The following BICD1 variants were observed in gnomAD, a reference collection of about 807,000 sequenced individuals.
BICD1 encodes BICD cargo adaptor 1.
BICD1 carries 35 observed loss-of-function variants against 92.5 expected under a neutral mutation model. That is an observed-to-expected ratio of 0.38 (90% CI 0.29 to 0.50). BICD1 has a LOEUF of 0.50. BICD1 is among the 20% of genes least tolerant of loss of function. The pLI, the probability that BICD1 is intolerant of heterozygous loss-of-function variation, is 0.93. For missense variants in BICD1, 950 were observed against 1,189.8 expected, an observed-to-expected ratio of 0.80 and a Z score of 2.97; for synonymous variants, 429 against 465.1, an observed-to-expected ratio of 0.92 and a Z score of 1.00.
At chr12:32,198,407 G>C (rs1305069369) in intron 1 of BICD1, among the ~76,000 whole-genome samples, 1 of 146,200 alleles carries the variant, frequency 6.8e-6, no homozygotes, top group East Asian at 2.0e-4. Flanking sequence ...CATGGTCAGA[G>C]TTAAGGTCAG....
At chr12:32,198,326 C>CTATATATATATATA (rs1233094983) in intron 1 of BICD1, among the ~76,000 whole-genome samples, 14 of 112,250 alleles carry the variant, frequency 1.2e-4, no homozygotes, top group African/African-American at 4.9e-4. Context: ...TAATATGCAT[C>CTATATATATATATA]TATCTATATA....
intron 8 of BICD1, among the ~76,000 whole-genome samples, chr12:32,342,737 C>T (rs145851067): frequency 1.4e-3 from 214 of 152,148 alleles, no homozygotes; most frequent in Non-Finnish European, 2.0e-3. Flanking sequence ...AAATTTAAGA[C>T]ACAGAACATA....
At chr12:32,273,937 G>A (rs7978297) in intron 2 of BICD1, among the ~76,000 whole-genome samples, 5,674 of 152,222 alleles carry the variant, frequency 0.037, 358 homozygotes, top group African/African-American at 0.13. Flanking sequence ...GCTCCTCCCC[G>A]CTGAACAAGC....
intron 1 of BICD1, among the ~76,000 whole-genome samples, chr12:32,148,151 A>AAAAAAAAAAAAAAAG: frequency 6.6e-6 from 1 of 151,128 alleles, no homozygotes; most frequent in Admixed American, 6.6e-5. Flanking sequence ...CCAAAAAAAA[A>AAAAAAAAAAAAAAAG]AGAATCTGAG....
intron 6 of BICD1, among the ~76,000 whole-genome samples, chr12:32,335,311 C>T (rs922341117): frequency 2.6e-5 from 4 of 152,026 alleles, no homozygotes; most frequent in Admixed American, 6.5e-5. Context: ...CCACCACGCC[C>T]GGCTAATTTT....
intron 2 of BICD1, among the ~76,000 whole-genome samples, chr12:32,277,102 C>T (rs1265165531): frequency 2.0e-5 from 3 of 152,110 alleles, no homozygotes; most frequent in African/African-American, 4.8e-5. Context: ...CTTTATAAAA[C>T]GGTAACTGTG....
chr12:32,115,386 G>GTTT (rs149711623), intron 1 of BICD1, among the ~76,000 whole-genome samples: 1,507 of 97,722 alleles, frequency 0.015, 39 homozygotes, highest in African/African-American at 0.056. Flanking sequence ...TGGTGTTTTT[G>GTTT]GTTTTTTTTT....
chr12:32,364,571 A>G (rs1268960696), intron 8 of BICD1, among the ~76,000 whole-genome samples: 1 of 152,252 alleles, frequency 6.6e-6, no homozygotes, highest in Non-Finnish European at 1.5e-5. Flanking sequence ...TTTTAAGTCC[A>G]TCACCATTTT....
chr12:32,192,120 T>C (rs1944586146), intron 1 of BICD1, among the ~76,000 whole-genome samples: 1 of 152,138 alleles, frequency 6.6e-6, no homozygotes. Context: ...TTAAAAGTGC[T>C]ATTCCAGTGA....
chr12:32,113,017 A>G (rs756505160), intron 1 of BICD1, among the ~76,000 whole-genome samples: 1 of 151,912 alleles, frequency 6.6e-6, no homozygotes, highest in Non-Finnish European at 1.5e-5. Context: ...CCAGGGCCAC[A>G]AAACTAAACG....
intron 2 of BICD1, among the ~76,000 whole-genome samples, chr12:32,221,356 AAAAT>A (rs1555150050): frequency 2.0e-5 from 3 of 149,756 alleles, no homozygotes; most frequent in African/African-American, 2.5e-5. Context: ...AAAAAATAAA[AAAAT>A]AAATAAATAA....
Position 32,150,729 on chromosome 12 carries a change from CAG to C in BICD1, c.213+43186_213+43187del, listed in dbSNP as rs1565549307. ...CAGTGCAGACCTGCACAACCTGACA[CAG>C]GGGCCTTGGGTCAGTCCATGTCGGT... On this transcript the variant is annotated intron_variant, in intron 1 of 9. Coordinates refer to ENST00000652176, the MANE Select transcript of BICD1 (RefSeq NM_001714.4). Among the ~76,000 whole-genome samples the C allele has an allele frequency of 5.9e-5, 9 of 152,148 alleles. No individual in the cohort carries two copies. In the South Asian group the frequency reaches 1.2e-3, roughly 21 times the overall value.
intron 1 of BICD1, among the ~76,000 whole-genome samples, chr12:32,192,638 G>A (rs73076291): frequency 0.21 from 32,558 of 152,092 alleles, 3,928 homozygotes; most frequent in East Asian, 0.3. Flanking sequence ...TATGGAAGGA[G>A]AGTTTGGTAC....
intron 4 of BICD1, among the ~76,000 whole-genome samples, chr12:32,318,352 T>C (rs1948561364): frequency 6.6e-6 from 1 of 152,178 alleles, no homozygotes; most frequent in Admixed American, 6.5e-5. Context: ...GAGCATGGAA[T>C]GTTCTTCCAT....
intron 4 of BICD1, among the ~76,000 whole-genome samples, chr12:32,320,699 C>A (rs1948631878): frequency 6.7e-6 from 1 of 149,444 alleles, no homozygotes; most frequent in Non-Finnish European, 1.5e-5. Context: ...AAAAAAAATT[C>A]TATGGGATAT....
intron 6 of BICD1, among the ~76,000 whole-genome samples, chr12:32,335,315 T>TAAAA (rs1938062526): frequency 6.6e-6 from 1 of 152,050 alleles, no homozygotes; most frequent in Non-Finnish European, 1.5e-5. Flanking sequence ...CACGCCCGGC[T>TAAAA]AATTTTTTGT....
chr12:32,183,894 G>A (rs910700424), intron 1 of BICD1, among the ~76,000 whole-genome samples: 1 of 152,178 alleles, frequency 6.6e-6, no homozygotes, highest in Admixed American at 6.5e-5. Flanking sequence ...TAGGGGGAGG[G>A]TGCTAAGCAA....
intron 2 of BICD1, among the ~76,000 whole-genome samples, chr12:32,259,772 G>A (rs988303718): frequency 1.3e-5 from 2 of 152,114 alleles, no homozygotes; most frequent in African/African-American, 4.8e-5. Context: ...TAAAGGCAAG[G>A]GCTTGTAGGA....
chr12:32,294,226 C>A, intron 3 of BICD1, 80 bp downstream of exon 3: 2 of 1,328,574 alleles, frequency 1.5e-6, no homozygotes, highest in South Asian at 2.9e-5. Flanking sequence ...CCAAACTTGT[C>A]AGAATTTATT....
Sources: gnomAD v4.1 joint callset for allele counts (sites outside exome capture counted in the v4.1 genomes callset) on GRCh38, gnomAD v4.1.1 for gene constraint, MANE v1.5 for transcripts, NCBI Gene and HGNC (gene_info 2026-07-23, HGNC 2026-07-21) for gene names.